Variants in FOXP1 observed in about 807,000 individuals in gnomAD.
FOXP1 encodes forkhead box P1.
A neutral mutation model predicts 98.2 loss-of-function variants in FOXP1; 15 were observed. That is an observed-to-expected ratio of 0.15 (90% confidence interval 0.10 to 0.24). FOXP1 has a LOEUF of 0.24. Among genes scored for constraint, FOXP1 ranks in the 10% least tolerant of loss-of-function variants. The pLI, the probability that FOXP1 is intolerant of heterozygous loss-of-function variation, is 1.00. For synonymous variants in FOXP1, 371 were observed against 314.5 expected (o/e 1.18, Z -1.90); for missense variants, 633 against 848.5 (o/e 0.75, Z 3.15).
At chr3:71,005,419 T>C in intron 12 of FOXP1, among the ~76,000 whole-genome samples, 1 of 151,960 alleles carries the variant, frequency 6.6e-6, no homozygotes, top group East Asian at 1.9e-4. Context: ...TGATTTTTAT[T>C]CTTCTTCAAG....
intron 7 of FOXP1, among the ~76,000 whole-genome samples, chr3:71,097,334 C>A (rs2056558176): frequency 6.6e-6 from 1 of 152,138 alleles, no homozygotes; most frequent in Admixed American, 6.5e-5. Context: ...CATGCTCATT[C>A]ATTTACATAT....
chr3:71,126,889 AC>A lies in FOXP1; in HGVS notation c.181-14253del, dbSNP rs1207031314. ...AAACAAACAAAAAAAAAAAACAAAA[AC>A]AAAAAAAAAAAGAAAGAAGAAAAAA... On this transcript the variant is annotated intron_variant, in intron 6 of 20. Coordinates refer to ENST00000649528, the MANE Select transcript of FOXP1 (RefSeq NM_001349338.3). Among the ~76,000 whole-genome samples the A allele has an allele frequency of 8.1e-3, 826 of 101,708 alleles. 5 individuals are homozygous for A. Among genetic ancestry groups the A allele is most frequent in the African/African-American group, 0.023 (766 of 32,670 alleles). The allele number at this position is 101,708 out of a possible 152,430, so 66.7% of individuals were successfully genotyped here.
chr3:70,982,092 A>G (rs1221910066), intron 14 of FOXP1, among the ~76,000 whole-genome samples: 2 of 152,224 alleles, frequency 1.3e-5, no homozygotes, highest in African/African-American at 4.8e-5. Context: ...AGAATGGAGA[A>G]GAAAGACTCA....
intron 3 of FOXP1, among the ~76,000 whole-genome samples, chr3:71,416,590 ACACGC>A (rs1362913797): frequency 2.0e-5 from 3 of 147,232 alleles, no homozygotes; most frequent in East Asian, 2.0e-4. Context: ...ACACACACAC[ACACGC>A]AAAAAAAAAT....
intron 3 of FOXP1, among the ~76,000 whole-genome samples, chr3:71,418,472 T>A (rs1577394684): frequency 6.6e-6 from 1 of 152,314 alleles, no homozygotes; most frequent in Non-Finnish European, 1.5e-5. Flanking sequence ...GGGAGCTAGG[T>A]TCAAATGGCA....
intron 5 of FOXP1, among the ~76,000 whole-genome samples, chr3:71,245,781 C>G (rs569040149): frequency 2.0e-5 from 3 of 151,942 alleles, no homozygotes; most frequent in South Asian, 4.2e-4. Context: ...AAAGCTCTTT[C>G]CCACCTCCTC....
At chr3:71,249,497 T>G (rs1490572606) in intron 5 of FOXP1, among the ~76,000 whole-genome samples, 1 of 152,260 alleles carries the variant, frequency 6.6e-6, no homozygotes, top group Admixed American at 6.5e-5. Context: ...ATGAGGAGAC[T>G]GAGGCTCAGA....
rs183989549 is a variant in FOXP1 at position 71,173,026 on chromosome 3, G to A, written c.180+25176C>T. 5.5e-4 allele frequency among the ~76,000 whole-genome samples: 83 copies of A among 152,272 alleles called. No individual in the cohort carries two copies. In the East Asian group the frequency reaches 0.015, roughly 28 times the overall value. ...TCAAATCACAGGGTAAGTTACAGCA[G>A]CAACACTCAGGCTGGCTGAAACCTC... is the stretch of plus-strand genomic sequence containing the variant. On this transcript the variant is annotated intron_variant, in intron 6 of 20. Transcript: ENST00000649528.
chr3:71,468,199 T>C (rs2088971784), intron 3 of FOXP1, among the ~76,000 whole-genome samples: 1 of 152,148 alleles, frequency 6.6e-6, no homozygotes. Context: ...AAAAAATGAA[T>C]TTCAAAAATT....
chr3:70,975,907 T>C (rs909992008), intron 17 of FOXP1, among the ~76,000 whole-genome samples: 2 of 152,196 alleles, frequency 1.3e-5, no homozygotes, highest in African/African-American at 4.8e-5. Context: ...AGGTAAGCCA[T>C]ATATGACCCC....
chr3:71,565,776 T>C (rs563870755), intron 2 of FOXP1, among the ~76,000 whole-genome samples: 16 of 152,316 alleles, frequency 1.1e-4, no homozygotes, highest in African/African-American at 3.4e-4. Flanking sequence ...CGCATAATGA[T>C]GTTGGGTTTG....
At chr3:71,211,126 C>A (rs1449052185) in intron 5 of FOXP1, among the ~76,000 whole-genome samples, 1 of 152,118 alleles carries the variant, frequency 6.6e-6, no homozygotes, top group Non-Finnish European at 1.5e-5. Flanking sequence ...TTCCTTATCA[C>A]GAGCAGGATA....
At chr3:70,968,354 TAACA>T (rs2035416947) in intron 19 of FOXP1, 1 of 145,126 alleles carries the variant, frequency 6.9e-6, no homozygotes, top group South Asian at 2.2e-4. Context: ...TGCTTCTGCC[TAACA>T]AAGTGTTTTT....
At chr3:71,089,457 C>T (rs1264949478) in intron 7 of FOXP1, among the ~76,000 whole-genome samples, 1 of 152,206 alleles carries the variant, frequency 6.6e-6, no homozygotes, top group African/African-American at 2.4e-5. Context: ...AGCTAAGCCA[C>T]TCCCCTATCT....
At chr3:71,571,044 A>G (rs2047301950) in intron 2 of FOXP1, 1 of 152,174 alleles carries the variant, frequency 6.6e-6, no homozygotes, top group Non-Finnish European at 1.5e-5. Flanking sequence ...AACATTGCTA[A>G]TTATTCTTTT....
intron 6 of FOXP1, among the ~76,000 whole-genome samples, chr3:71,179,284 A>ACG (rs1287499089): frequency 6.6e-6 from 1 of 151,808 alleles, no homozygotes; most frequent in Non-Finnish European, 1.5e-5. Context: ...GCCTGCCACC[A>ACG]CGCCCAGCTA....
chr3:71,109,040 A>G (rs1349385424), intron 7 of FOXP1, among the ~76,000 whole-genome samples: 1 of 152,278 alleles, frequency 6.6e-6, no homozygotes, highest in Non-Finnish European at 1.5e-5. Context: ...AAGCAAATGA[A>G]CAGACTAAGT....
chr3:71,324,817 T>A (rs1360068567), intron 4 of FOXP1, among the ~76,000 whole-genome samples: 3 of 151,526 alleles, frequency 2.0e-5, no homozygotes, highest in Non-Finnish European at 4.4e-5. Context: ...CAAAACAAAT[T>A]AAAAAAAATA....
chr3:71,015,482 A>G, intron 12 of FOXP1, 67 bp downstream of exon 12: 9 of 1,115,448 alleles, frequency 8.1e-6, no homozygotes, highest in South Asian at 1.3e-5. Flanking sequence ...GCATTTTATG[A>G]GCAAAGCATG....
Sources: gnomAD v4.1 joint callset for allele counts (sites outside exome capture counted in the v4.1 genomes callset) on GRCh38, gnomAD v4.1.1 for gene constraint, MANE v1.5 for transcripts, NCBI Gene and HGNC (gene_info 2026-07-23, HGNC 2026-07-21) for gene names.